SPOCK3: variants seen among roughly 807,000 people sequenced by gnomAD.
The protein encoded by SPOCK3 is SPARC (osteonectin), cwcv and kazal like domains proteoglycan 3, also known as testican-3.
A neutral mutation model predicts 56.6 loss-of-function variants in SPOCK3; 30 were observed. The ratio of observed to expected loss-of-function variants is 0.53; its 90% confidence interval spans 0.40 to 0.72. The LOEUF (loss-of-function observed/expected upper bound fraction) is 0.72. Ranked by LOEUF, SPOCK3 falls within the 30% of genes least tolerant of loss-of-function variation. SPOCK3 has a pLI of 0.00. For missense variants in SPOCK3, 527 were observed against 530.0 expected, an observed-to-expected ratio of 0.99 and a Z score of 0.06; for synonymous variants, 196 against 183.3, an observed-to-expected ratio of 1.07 and a Z score of -0.56.
intron 7 of SPOCK3, among the ~76,000 whole-genome samples, chr4:166,774,525 C>A (rs558654519): frequency 1.3e-5 from 2 of 152,168 alleles, no homozygotes; most frequent in South Asian, 4.1e-4. Flanking sequence ...ACAGCCATCT[C>A]GGGCAGAATG....
intron 3 of SPOCK3, among the ~76,000 whole-genome samples, chr4:167,002,508 T>C (rs1340431831): frequency 6.6e-6 from 1 of 152,198 alleles, no homozygotes; most frequent in Non-Finnish European, 1.5e-5. Flanking sequence ...TTCAATTTTC[T>C]CCATACTAAG....
intron 4 of SPOCK3, among the ~76,000 whole-genome samples, chr4:166,953,194 G>A (rs1742912190): frequency 6.6e-6 from 1 of 151,276 alleles, no homozygotes; most frequent in Non-Finnish European, 1.5e-5. Context: ...TTCTGACAAA[G>A]GGCTAATATC....
chr4:166,951,103 A>G (rs533240408), intron 4 of SPOCK3, among the ~76,000 whole-genome samples: 1,604 of 143,500 alleles, frequency 0.011, 96 homozygotes, highest in African/African-American at 0.043. Flanking sequence ...AACTGAAGGA[A>G]ATAGAGACAC....
chr4:167,000,238 A>G (rs1442108046), intron 4 of SPOCK3, 111 bp downstream of exon 4: 3 of 517,756 alleles, frequency 5.8e-6, no homozygotes, highest in Non-Finnish European at 1.0e-5. Flanking sequence ...TAACTGTTTC[A>G]ATAAAACTCT....
intron 2 of SPOCK3, among the ~76,000 whole-genome samples, chr4:167,069,722 C>G (rs1050802117): frequency 6.6e-6 from 1 of 151,920 alleles, no homozygotes; most frequent in South Asian, 2.1e-4. Flanking sequence ...TAATTAATCA[C>G]GCAAATCCTT....
intron 5 of SPOCK3, among the ~76,000 whole-genome samples, chr4:166,910,462 A>C (rs1248336396): frequency 6.6e-6 from 1 of 152,124 alleles, no homozygotes; most frequent in Non-Finnish European, 1.5e-5. Context: ...GAGAACAATG[A>C]GGAAACCCCA....
intron 6 of SPOCK3, among the ~76,000 whole-genome samples, chr4:166,847,375 C>G (rs991173864): frequency 1.3e-5 from 2 of 151,720 alleles, no homozygotes; most frequent in Non-Finnish European, 2.9e-5. Flanking sequence ...TTAAAGGTTT[C>G]TGAGGAATGC....
At chr4:167,038,663 C>CAA (rs558863795) in intron 3 of SPOCK3, among the ~76,000 whole-genome samples, 6,027 of 107,102 alleles carry the variant, frequency 0.056, 112 homozygotes, top group South Asian at 0.12. Flanking sequence ...TTATTTTTTC[C>CAA]AAAAAAAAAA....
At chr4:167,076,196 T>C (rs1210508492) in intron 2 of SPOCK3, among the ~76,000 whole-genome samples, 1 of 151,854 alleles carries the variant, frequency 6.6e-6, no homozygotes, top group East Asian at 2.0e-4. Flanking sequence ...AGGGAAACTA[T>C]TTAGTGCCAT....
chr4:167,089,488 T>C (rs1012495034), intron 2 of SPOCK3, among the ~76,000 whole-genome samples: 1 of 152,192 alleles, frequency 6.6e-6, no homozygotes, highest in African/African-American at 2.4e-5. Context: ...TTGGTTACTT[T>C]TGAAAATTTA....
At chr4:166,837,027 G>A (rs1029994954) in intron 6 of SPOCK3, among the ~76,000 whole-genome samples, 1 of 152,158 alleles carries the variant, frequency 6.6e-6, no homozygotes, top group African/African-American at 2.4e-5. Flanking sequence ...CATTGCCATG[G>A]TTCCTATACC....
chr4:166,991,561 G>A (rs149086582), intron 4 of SPOCK3, among the ~76,000 whole-genome samples: 2 of 151,686 alleles, frequency 1.3e-5, no homozygotes, highest in African/African-American at 4.8e-5. Flanking sequence ...GTAGACACAG[G>A]GTTTCACCAT....
chr4:166,867,770 T>C (rs1731993479), intron 6 of SPOCK3, among the ~76,000 whole-genome samples: 5 of 151,706 alleles, frequency 3.3e-5, no homozygotes, highest in Admixed American at 2.6e-4. Context: ...AAAAGTATTA[T>C]GATGTTTTTA....
chr4:167,162,182 CA>C (rs778580944), intron 2 of SPOCK3, among the ~76,000 whole-genome samples: 1 of 151,988 alleles, frequency 6.6e-6, no homozygotes, highest in African/African-American at 2.4e-5. Flanking sequence ...CCAAACCTAG[CA>C]CAAAAAAATA....
intron 7 of SPOCK3, among the ~76,000 whole-genome samples, chr4:166,781,932 T>C (rs1252692716): frequency 6.6e-6 from 1 of 152,046 alleles, no homozygotes; most frequent in Non-Finnish European, 1.5e-5. Flanking sequence ...CCAGTGAAAA[T>C]ATATTTTAAA....
At chr4:167,174,308 T>C (rs918897959) in intron 2 of SPOCK3, among the ~76,000 whole-genome samples, 1 of 151,990 alleles carries the variant, frequency 6.6e-6, no homozygotes, top group Admixed American at 6.6e-5. Context: ...ATAAAATATA[T>C]ACGATTTAAA....
intron 6 of SPOCK3, among the ~76,000 whole-genome samples, chr4:166,829,667 C>T (rs1341864537): frequency 2.0e-5 from 3 of 152,008 alleles, no homozygotes; most frequent in Non-Finnish European, 4.4e-5. Context: ...ATTATTGATG[C>T]AAATTTAAAT....
chr4:166,808,368 G>A (rs1743399211), intron 6 of SPOCK3, among the ~76,000 whole-genome samples: 1 of 151,910 alleles, frequency 6.6e-6, no homozygotes, highest in South Asian at 2.1e-4. Flanking sequence ...AGGGTCTCTG[G>A]GAGGTAATTA....
At chr4:166,924,123 T>A (rs1189238761) in intron 4 of SPOCK3, among the ~76,000 whole-genome samples, 1 of 152,176 alleles carries the variant, frequency 6.6e-6, no homozygotes, top group Non-Finnish European at 1.5e-5. Flanking sequence ...TCAGTTAGAA[T>A]AAAATAAAAA....
Sources: gnomAD v4.1 joint callset for allele counts (sites outside exome capture counted in the v4.1 genomes callset) on GRCh38, gnomAD v4.1.1 for gene constraint, MANE v1.5 for transcripts, NCBI Gene and HGNC (gene_info 2026-07-23, HGNC 2026-07-21) for gene names.